TMEM232: variants seen among roughly 807,000 people sequenced by gnomAD.
The protein encoded by TMEM232 is transmembrane protein 232.
TMEM232 carries 80 observed loss-of-function variants against 78.8 expected under a neutral mutation model. The observed-to-expected ratio is 1.01, with a 90% CI of 0.85 to 1.22. TMEM232 has a LOEUF of 1.22. Ranked by LOEUF, TMEM232 falls within the 50% of genes most tolerant of loss-of-function variation. TMEM232 has a pLI of 0.00. For missense variants in TMEM232, 881 were observed against 742.2 expected, an observed-to-expected ratio of 1.19 and a Z score of -2.17; for synonymous variants, 297 against 254.3, an observed-to-expected ratio of 1.17 and a Z score of -1.60.
chr5:110,465,171 AGACAGG>A (rs1449301207), intron 12 of TMEM232, among the ~76,000 whole-genome samples: 4 of 152,252 alleles, frequency 2.6e-5, no homozygotes, highest in Non-Finnish European at 5.9e-5. Context: ...AGATAGACAA[AGACAGG>A]GAAAACCAGG....
intron 1 of TMEM232, among the ~76,000 whole-genome samples, chr5:110,669,852 A>T (rs551162649): frequency 1.1e-3 from 171 of 152,342 alleles, no homozygotes; most frequent in African/African-American, 4.0e-3. Context: ...AACATAATCC[A>T]GCATATAAAC....
At position 110,604,697 on chromosome 5, in the gene TMEM232, G is replaced by T. The variant is rs368974077; in HGVS notation, c.1276+412C>A. ...TTTCTGGCTGGGCGCAGTGGTTCAC[G>T]AATGCAATCCCAGCACTTTGGAAGG... On this transcript the variant is annotated intron_variant, in intron 10 of 13. Transcript: ENST00000455884. Among the ~76,000 whole-genome samples, 9 of 152,184 alleles carry T rather than the reference G, an allele frequency of 5.9e-5. 1 individual carries two copies. Among genetic ancestry groups the T allele is most frequent in the East Asian group, 5.8e-4 (3 of 5,168 alleles).
At position 110,637,955 on chromosome 5, in the gene TMEM232, TG is replaced by T. The variant is rs1394953468; in HGVS notation, c.501+242del. ...GAGAAACAGTTAAGTAGAAGTATAT[TG>T]TTTTTTTAATGAAATGTTATTTTCT... On this transcript the variant is annotated intron_variant, in intron 5 of 13. Coordinates refer to ENST00000455884, the MANE Select transcript of TMEM232 (RefSeq NM_001039763.4). Among the ~76,000 whole-genome samples, 16 of 149,232 alleles carry T rather than the reference TG, an allele frequency of 1.1e-4. No individual in the cohort carries two copies. In the South Asian group the frequency reaches 1.2e-3, roughly 12 times the overall value.
chr5:110,508,548 T>C (rs73784785), intron 12 of TMEM232, among the ~76,000 whole-genome samples: 6,122 of 151,348 alleles, frequency 0.04, 196 homozygotes, highest in African/African-American at 0.087. Context: ...CCTCATGCCC[T>C]CCTTCTGGTC....
chr5:110,646,913 G>T (rs1019633532), intron 2 of TMEM232, among the ~76,000 whole-genome samples: 1 of 151,144 alleles, frequency 6.6e-6, no homozygotes, highest in African/African-American at 2.4e-5. Flanking sequence ...ACATACAGAT[G>T]GCCAACAGGC....
intron 1 of TMEM232, among the ~76,000 whole-genome samples, chr5:110,680,968 A>G (rs1031579869): frequency 1.3e-5 from 2 of 152,028 alleles, no homozygotes; most frequent in African/African-American, 4.8e-5. Flanking sequence ...AGGGGTAAAG[A>G]GAGAGGGAAA....
intron 1 of TMEM232, among the ~76,000 whole-genome samples, chr5:110,694,233 A>C (rs1197092672): frequency 6.6e-6 from 1 of 152,130 alleles, no homozygotes; most frequent in Admixed American, 6.6e-5. Context: ...GAAATAAAAT[A>C]CTTTACAGAC....
intron 12 of TMEM232, among the ~76,000 whole-genome samples, chr5:110,524,089 G>A (rs191796559): frequency 1.6e-3 from 235 of 150,546 alleles, no homozygotes; most frequent in Non-Finnish European, 2.5e-3. Context: ...ATGGTGAAAC[G>A]CCGTCTCTAC....
chr5:110,587,691 A>ATATATATATGTGTGTG (rs1209205049), intron 10 of TMEM232, among the ~76,000 whole-genome samples: 1 of 63,132 alleles, frequency 1.6e-5, no homozygotes, highest in African/African-American at 7.2e-5. Context: ...ATATATATAT[A>ATATATATATGTGTGTG]TGTGTGTGTG....
intron 1 of TMEM232, 104 bp from the exon 2 acceptor site, chr5:110,667,468 A>T (rs1387365049): frequency 1.2e-6 from 1 of 863,904 alleles, no homozygotes; most frequent in African/African-American, 1.8e-5. Flanking sequence ...CAAGAACTAA[A>T]GTTAGGCTTA....
chr5:110,586,377 C>T (rs1778819278), intron 10 of TMEM232, among the ~76,000 whole-genome samples: 1 of 151,888 alleles, frequency 6.6e-6, no homozygotes, highest in African/African-American at 2.4e-5. Flanking sequence ...GCTCTATTTT[C>T]TCCTAGTTAT....
intron 11 of TMEM232, among the ~76,000 whole-genome samples, chr5:110,555,292 G>T (rs772584054): frequency 6.6e-6 from 1 of 152,040 alleles, no homozygotes; most frequent in Admixed American, 6.5e-5. Context: ...TTAGGAGCAG[G>T]TTGCTTAATT....
rs1334996031 is a variant in TMEM232 at position 110,524,368 on chromosome 5, AAAG to A, written c.1703+4217_1703+4219del. Among the ~76,000 whole-genome samples, 5 of 45,084 alleles carry A rather than the reference AAAG, an allele frequency of 1.1e-4. No homozygotes were observed. In the East Asian group the frequency reaches 1.6e-3, roughly 15 times the overall value. The allele number at this position is 45,084 out of a possible 152,430, so 29.6% of individuals were successfully genotyped here. Reference sequence around the variant, plus strand: ...AAGAGAAAGAAAGAAAGAAAAAAAGAAAGAAAGAAAGAAAGAAAGAAAGAAAGA... The same window carrying A: ...AAGAGAAAGAAAGAAAGAAAAAAAGAAAAGAAAGAAAGAAAGAAAGAAAGA... On this transcript the variant is annotated intron_variant, in intron 12 of 13. Coordinates refer to ENST00000455884, the MANE Select transcript of TMEM232 (RefSeq NM_001039763.4).
intron 11 of TMEM232, among the ~76,000 whole-genome samples, chr5:110,550,018 G>T (rs1774262765): frequency 6.6e-6 from 1 of 152,042 alleles, no homozygotes; most frequent in South Asian, 2.1e-4. Flanking sequence ...ATATAGGAAA[G>T]AAATATTATG....
chr5:110,695,586 A>C (rs951600382), intron 1 of TMEM232, among the ~76,000 whole-genome samples: 2 of 152,164 alleles, frequency 1.3e-5, no homozygotes, highest in African/African-American at 2.4e-5. Flanking sequence ...AGAGAGAAGA[A>C]TCAAATAGAC....
chr5:110,407,825 T>A (rs1352278552), intron 2 of TMEM232, among the ~76,000 whole-genome samples: 1 of 152,054 alleles, frequency 6.6e-6, no homozygotes, highest in Non-Finnish European at 1.5e-5. Flanking sequence ...TCAAGTATTA[T>A]CTCTGACCAC....
chr5:110,612,364 G>A (rs1007059325), intron 8 of TMEM232, among the ~76,000 whole-genome samples: 1 of 152,038 alleles, frequency 6.6e-6, no homozygotes. Flanking sequence ...AGGGATCAAA[G>A]GATCAATAAG....
chr5:110,549,371 T>C (rs1268635817), intron 11 of TMEM232, among the ~76,000 whole-genome samples: 1 of 151,796 alleles, frequency 6.6e-6, no homozygotes, highest in Non-Finnish European at 1.5e-5. Flanking sequence ...TCCCAGTGTT[T>C]TGAGGGGCTG....
intron 2 of TMEM232, among the ~76,000 whole-genome samples, chr5:110,409,397 G>A (rs1755909479): frequency 6.6e-6 from 1 of 152,142 alleles, no homozygotes; most frequent in African/African-American, 2.4e-5. Context: ...TACAGGCCCT[G>A]ACAGTCATGT....
Sources: gnomAD v4.1 joint callset for allele counts (sites outside exome capture counted in the v4.1 genomes callset) on GRCh38, gnomAD v4.1.1 for gene constraint, MANE v1.5 for transcripts, NCBI Gene and HGNC (gene_info 2026-07-23, HGNC 2026-07-21) for gene names.